Variants in NT5DC3 observed in about 807,000 individuals in gnomAD.
The protein encoded by NT5DC3 is 5'-nucleotidase domain containing 3, also known as 5'-nucleotidase domain-containing protein 3.
NT5DC3 carries 42 observed loss-of-function variants against 67.8 expected under a neutral mutation model. The ratio of observed to expected loss-of-function variants is 0.62; its 90% CI spans 0.48 to 0.80. The LOEUF (loss-of-function observed/expected upper bound fraction) is 0.80, where lower values mean the gene tolerates loss of function less well. NT5DC3 is among the 30% of genes least tolerant of loss of function. The pLI, the probability that NT5DC3 is intolerant of heterozygous loss-of-function variation, is 0.00. For synonymous variants in NT5DC3, 237 were observed against 255.6 expected, an observed-to-expected ratio of 0.93 and a Z score of 0.69; for missense variants, 570 against 696.4, an observed-to-expected ratio of 0.82 and a Z score of 2.04.
At chr12:103,748,794 G>A in the NT5DC3 span, among the ~76,000 whole-genome samples, 2 of 152,126 alleles carry the variant, frequency 1.3e-5, no homozygotes, top group South Asian at 2.1e-4. Context: ...AAATATTCAT[G>A]TTGCAAAGGC....
chr12:103,824,143 T>C (rs1020218718), intron 1 of NT5DC3, among the ~76,000 whole-genome samples: 4 of 152,254 alleles, frequency 2.6e-5, no homozygotes, highest in African/African-American at 9.6e-5. Flanking sequence ...TTAATATCCT[T>C]TCTGCTAATA....
the NT5DC3 span, among the ~76,000 whole-genome samples, chr12:103,755,960 T>G: frequency 1.3e-5 from 2 of 152,176 alleles, no homozygotes; most frequent in African/African-American, 4.8e-5. Flanking sequence ...GCATCAACCA[T>G]GTAGGGTCAT....
downstream of NT5DC3, chr12:103,768,861 C>T (rs906881786): frequency 2.0e-5 from 3 of 151,928 alleles, no homozygotes; most frequent in Non-Finnish European, 4.4e-5. Context: ...GACAGCACGG[C>T]AGGTTTACTG....
chr12:103,835,087 C>A (rs950030807), intron 1 of NT5DC3, among the ~76,000 whole-genome samples: 5 of 152,172 alleles, frequency 3.3e-5, no homozygotes, highest in Non-Finnish European at 7.3e-5. Context: ...AATCCTCATC[C>A]ATGCAACACT....
At chr12:103,814,870 T>C (rs1887180729) in intron 2 of NT5DC3, 67 bp downstream of exon 2, 2 of 1,189,460 alleles carry the variant, frequency 1.7e-6, no homozygotes, top group East Asian at 5.2e-5. Context: ...CTTGGGGTCA[T>C]GTCAGCTCAA....
chr12:103,826,645 A>T (rs1481172509), intron 1 of NT5DC3, among the ~76,000 whole-genome samples: 1 of 152,250 alleles, frequency 6.6e-6, no homozygotes, highest in Non-Finnish European at 1.5e-5. Flanking sequence ...TAACTTCCAG[A>T]ACTATGAAGA....
the NT5DC3 span, chr12:103,758,094 C>T: frequency 7.0e-5 from 112 of 1,596,306 alleles, no homozygotes; most frequent in Non-Finnish European, 7.9e-5. Context: ...TGGGTGATGC[C>T]CTGGGACCTT....
the NT5DC3 span, among the ~76,000 whole-genome samples, chr12:103,756,528 T>C: frequency 6.6e-6 from 1 of 152,230 alleles, no homozygotes. Context: ...ATAAGGCCAC[T>C]TCTATATCCA....
intron 1 of NT5DC3, among the ~76,000 whole-genome samples, chr12:103,818,408 C>T (rs1297537819): frequency 1.3e-5 from 2 of 150,070 alleles, no homozygotes; most frequent in Non-Finnish European, 3.0e-5. Flanking sequence ...TGAAGTCTCG[C>T]TCTGTCACCC....
the NT5DC3 span, among the ~76,000 whole-genome samples, chr12:103,748,103 A>G: frequency 6.6e-6 from 1 of 152,186 alleles, no homozygotes; most frequent in Admixed American, 6.5e-5. Context: ...TTCATGGATA[A>G]ATATTCACAG....
At chr12:103,765,912 G>A (rs982642049), downstream of NT5DC3, 166 of 358,892 alleles carry the variant, frequency 4.6e-4, 2 homozygotes, top group South Asian at 3.2e-3. Context: ...TTTTCAAACC[G>A]AAAGGAGTTT....
the NT5DC3 span, chr12:103,757,864 TGGG>T: frequency 5.2e-6 from 2 of 381,706 alleles, no homozygotes; most frequent in African/African-American, 4.1e-5. Flanking sequence ...CTGAGTGAAG[TGGG>T]GGGCCACTGC....
At chr12:103,798,934 T>TTACA (rs1886440577) in intron 4 of NT5DC3, among the ~76,000 whole-genome samples, 1 of 152,192 alleles carries the variant, frequency 6.6e-6, no homozygotes, top group Non-Finnish European at 1.5e-5. Context: ...CAGATATGAA[T>TTACA]TACACCTAGT....
intron 1 of NT5DC3, among the ~76,000 whole-genome samples, chr12:103,819,229 C>T (rs1287095744): frequency 6.6e-6 from 1 of 152,182 alleles, no homozygotes; most frequent in African/African-American, 2.4e-5. Flanking sequence ...TCCTCGAACA[C>T]GAGGAGCAGC....
intron 12 of NT5DC3, among the ~76,000 whole-genome samples, chr12:103,781,298 TTC>T (rs1212942573): frequency 6.6e-6 from 1 of 152,156 alleles, no homozygotes; most frequent in Non-Finnish European, 1.5e-5. Flanking sequence ...GCCAAGAACC[TTC>T]TGTTTATCAC....
At chr12:103,748,864 C>T in the NT5DC3 span, 1 of 1,293,100 alleles carries the variant, frequency 7.7e-7, no homozygotes, top group Non-Finnish European at 1.1e-6. Context: ...CCCATTTACT[C>T]ACCCAACACC....
At chr12:103,810,343 G>C (rs1003054173) in intron 2 of NT5DC3, among the ~76,000 whole-genome samples, 7 of 152,168 alleles carry the variant, frequency 4.6e-5, no homozygotes, top group Admixed American at 2.0e-4. Flanking sequence ...TAGAACACCT[G>C]TTAACAGTGA....
chr12:103,767,936 A>T (rs1312758636), downstream of NT5DC3, among the ~76,000 whole-genome samples: 1 of 151,582 alleles, frequency 6.6e-6, no homozygotes, highest in African/African-American at 2.4e-5. Context: ...CAAAAAAAAA[A>T]TAATAGCTGG....
chr12:103,755,566 G>A, the NT5DC3 span: 4 of 1,612,442 alleles, frequency 2.5e-6, no homozygotes, highest in Non-Finnish European at 3.4e-6. Flanking sequence ...TGCAGCCCTG[G>A]CCCCTGCCTT....
Sources: allele counts gnomAD v4.1 joint callset (sites outside exome capture counted in the v4.1 genomes callset), GRCh38; gene constraint gnomAD v4.1.1; transcripts MANE v1.5; gene names NCBI Gene and HGNC (gene_info 2026-07-23, HGNC 2026-07-21).